The following ARHGAP32 variants were observed in gnomAD, a reference collection of about 807,000 sequenced individuals.
ARHGAP32 encodes rho GTPase-activating protein 32.
In ARHGAP32, 51 loss-of-function variants were observed where a neutral mutation model predicts 186.5. The ratio of observed to expected loss-of-function variants is 0.27; its 90% CI spans 0.22 to 0.35. ARHGAP32 has a LOEUF of 0.35. Ranked by LOEUF, ARHGAP32 falls within the 10% of genes least tolerant of loss-of-function variation. The pLI is 1.00. For synonymous variants in ARHGAP32, 950 were observed against 964.3 expected (o/e 0.99, Z 0.27); for missense variants, 2,186 against 2,623.5 (o/e 0.83, Z 3.64).
intron 1 of ARHGAP32, among the ~76,000 whole-genome samples, chr11:129,231,260 T>A (rs961955953): frequency 5.3e-5 from 8 of 152,210 alleles, no homozygotes; most frequent in African/African-American, 1.9e-4. Context: ...CCTGCCCTAT[T>A]TTTGACAGCT....
intron 1 of ARHGAP32, 41 bp from the exon 2 acceptor site, chr11:129,164,468 A>G (rs1943593105): frequency 8.5e-7 from 1 of 1,171,870 alleles, no homozygotes; most frequent in African/African-American, 1.6e-5. Flanking sequence ...AGAATTTCCA[A>G]TTCTATGAAA....
intron 1 of ARHGAP32, among the ~76,000 whole-genome samples, chr11:129,178,638 G>T (rs1438195078): frequency 6.6e-6 from 1 of 151,754 alleles, no homozygotes; most frequent in Admixed American, 6.6e-5. Flanking sequence ...AAATAATGCC[G>T]CATATCTACA....
chr11:128,988,497 G>C (rs1252088278), intron 12 of ARHGAP32, among the ~76,000 whole-genome samples: 2 of 152,190 alleles, frequency 1.3e-5, no homozygotes, highest in African/African-American at 4.8e-5. Context: ...AAGAAATACA[G>C]CTGTTCAGCT....
intron 1 of ARHGAP32, among the ~76,000 whole-genome samples, chr11:129,243,827 C>G (rs986499995): frequency 1.3e-5 from 2 of 152,180 alleles, no homozygotes; most frequent in South Asian, 4.1e-4. Context: ...TCTCCACCCC[C>G]ACAAGCCCAA....
chr11:129,121,184 T>C (rs1942520107), intron 5 of ARHGAP32, among the ~76,000 whole-genome samples: 1 of 152,040 alleles, frequency 6.6e-6, no homozygotes, highest in African/African-American at 2.4e-5. Flanking sequence ...GATTGTTTTT[T>C]TTTTCTTTAA....
chr11:128,994,852 T>C (rs1591513025), intron 12 of ARHGAP32, among the ~76,000 whole-genome samples: 1 of 152,310 alleles, frequency 6.6e-6, no homozygotes, highest in Non-Finnish European at 1.5e-5. Context: ...AAACAGGAAA[T>C]TATTTTAATA....
chr11:129,164,363 G>T lies in ARHGAP32; in HGVS notation c.181C>A (p.His61Asn). The stretch of plus-strand genomic sequence containing the variant: ...TCCCAATCAGGCCGCTCTCGAGGGT[G>T]TACATTTCTATGTAGCTCTGGAACA... The part of the protein sequence containing the change: ...DFVPELHRNV[H>N]PRERPDWEET... Residue 61 changes from histidine to asparagine, a missense_variant, in exon 2 of 23, where the codon CAC becomes AAC. Physicochemically the swap from His to Asn is moderately conservative, Grantham distance 68. Coordinates refer to ENST00000682385, the MANE Select transcript of ARHGAP32 (RefSeq NM_001378024.1). The T allele has an allele frequency of 6.3e-7, 1 of 1,584,240 alleles. No individual in the cohort carries two copies. The highest frequency in any genetic ancestry group is 8.6e-7 in the Non-Finnish European group (1 of 1,163,702).
chr11:129,142,996 T>C (rs1177027855), intron 2 of ARHGAP32, among the ~76,000 whole-genome samples: 1 of 143,594 alleles, frequency 7.0e-6, no homozygotes, highest in Non-Finnish European at 1.5e-5. Context: ...GCTTAAAATA[T>C]AGTGATGAAG....
chr11:129,058,518 T>C (rs1764591402), intron 10 of ARHGAP32, among the ~76,000 whole-genome samples: 1 of 152,204 alleles, frequency 6.6e-6, no homozygotes. Context: ...TTGATGTATC[T>C]ACTACACAAA....
At chr11:129,194,523 A>G (rs1944364464), upstream of ARHGAP32, among the ~76,000 whole-genome samples, 1 of 152,226 alleles carries the variant, frequency 6.6e-6, no homozygotes, top group African/African-American at 2.4e-5. Context: ...GCAGTATGCT[A>G]TGCTGCCATC....
At chr11:129,086,030 C>CA (rs1056366501) in intron 6 of ARHGAP32, among the ~76,000 whole-genome samples, 11 of 137,494 alleles carry the variant, frequency 8.0e-5, no homozygotes, top group Admixed American at 6.5e-4. Context: ...AAAAAAAAAA[C>CA]AAAAAAAAGA....
chr11:129,086,015 AAC>A (rs1410152571), intron 6 of ARHGAP32, among the ~76,000 whole-genome samples: 1 of 128,262 alleles, frequency 7.8e-6, no homozygotes, highest in Non-Finnish European at 1.8e-5. Context: ...CAAACAAACA[AAC>A]AAAAAAAAAA....
At position 129,267,248 on chromosome 11, in the gene ARHGAP32, C is replaced by T. The variant is rs191385255; in HGVS notation, c.-5+11898G>A. ...ATGATGGCACATACCTGTGGTCCCT[C>T]AGCTACTCAGGAGGTTGAGGCAGGA... On this transcript the variant is annotated intron_variant, in intron 1 of 6. Coordinates refer to the ARHGAP32 transcript ENST00000525234. Among the ~76,000 whole-genome samples, 31 of 152,290 alleles carry T rather than the reference C, an allele frequency of 2.0e-4. No individual in the cohort carries two copies. In the East Asian group the frequency reaches 5.8e-3, roughly 28 times the overall value.
chr11:128,976,438 T>C (rs1591490094), intron 20 of ARHGAP32, 125 bp downstream of exon 20: 3 of 726,974 alleles, frequency 4.1e-6, no homozygotes, highest in East Asian at 5.2e-5. Context: ...AAATAGACAC[T>C]AGTATTCCTA....
At chr11:129,232,492 G>A (rs552953519) in intron 1 of ARHGAP32, among the ~76,000 whole-genome samples, 1 of 152,244 alleles carries the variant, frequency 6.6e-6, no homozygotes, top group South Asian at 2.1e-4. Context: ...TGTTGAAAAT[G>A]ATAAAATTTG....
At chr11:128,991,102 A>G (rs1282380053) in intron 12 of ARHGAP32, among the ~76,000 whole-genome samples, 1 of 152,204 alleles carries the variant, frequency 6.6e-6, no homozygotes, top group Non-Finnish European at 1.5e-5. Context: ...TTGGATGTGT[A>G]TATCTGTGTG....
intron 11 of ARHGAP32, among the ~76,000 whole-genome samples, chr11:129,028,174 G>GTTTT (rs1413597378): frequency 2.0e-5 from 3 of 152,094 alleles, no homozygotes; most frequent in African/African-American, 7.2e-5. Flanking sequence ...CACGCAGGTG[G>GTTTT]GGAAAAAAGA....
chr11:129,192,860 G>A (rs1464011444), upstream of ARHGAP32, among the ~76,000 whole-genome samples: 3 of 152,094 alleles, frequency 2.0e-5, no homozygotes, highest in Admixed American at 2.0e-4. Context: ...AAGTTTAAGT[G>A]TCCCAAGTTC....
At chr11:129,267,127 A>G (rs1223727049) in intron 1 of ARHGAP32, among the ~76,000 whole-genome samples, 1 of 152,168 alleles carries the variant, frequency 6.6e-6, no homozygotes, top group Non-Finnish European at 1.5e-5. Context: ...TGGGAGGCCA[A>G]GGAGGGTAGA....
Sources: allele counts gnomAD v4.1 joint callset (sites outside exome capture counted in the v4.1 genomes callset), GRCh38; gene constraint gnomAD v4.1.1; transcripts MANE v1.5; gene names NCBI Gene and HGNC (gene_info 2026-07-23, HGNC 2026-07-21).